The following DHRSX variants were observed in gnomAD, a reference collection of about 807,000 sequenced individuals.
DHRSX encodes polyprenol dehydrogenase.
A neutral mutation model predicts 34.0 loss-of-function variants in DHRSX; 31 were observed. The observed-to-expected ratio is 0.91, with a 90% CI of 0.69 to 1.23. The LOEUF (loss-of-function observed/expected upper bound fraction) is 1.23. DHRSX is among the 50% of genes most tolerant of loss of function. The pLI is 0.00. For missense variants in DHRSX, 414 were observed against 428.1 expected (o/e 0.97, Z 0.29); for synonymous variants, 201 against 183.8 (o/e 1.09, Z -0.76).
chrX:2,387,923 A>AAC (rs1296064878), intron 3 of DHRSX, among the ~76,000 whole-genome samples: 2 of 150,660 alleles, frequency 1.3e-5, no homozygotes, highest in Admixed American at 6.6e-5. Context: ...AAAAAAAAAA[A>AAC]ACGGGATTCC....
rs181739902 is a variant in DHRSX at position 2,410,734 on chromosome X, A to G, written c.218-1921T>C. 3.3e-3 allele frequency among the ~76,000 whole-genome samples: 501 copies of G among 152,322 alleles called. 2 individuals carry two copies. The highest frequency in any genetic ancestry group is 0.011 in the African/African-American group (478 of 41,570). ...TCAGCAAAGAGTGAAAAAATATATA[A>G]AAGAGGAGAAGCAGTGAAACTTATG... On this transcript the variant is annotated intron_variant, in intron 2 of 6. Coordinates refer to ENST00000334651, the MANE Select transcript of DHRSX (RefSeq NM_145177.3).
At chrX:2,311,010 G>A (rs1179155637) in intron 3 of DHRSX, among the ~76,000 whole-genome samples, 2 of 149,984 alleles carry the variant, frequency 1.3e-5, no homozygotes, top group African/African-American at 2.5e-5. Context: ...GTAGTGAGCC[G>A]AGATCACTCC....
intron 4 of DHRSX, among the ~76,000 whole-genome samples, chrX:2,289,246 T>C (rs1486554348): frequency 4.0e-5 from 6 of 151,870 alleles, no homozygotes; most frequent in Non-Finnish European, 8.8e-5. Context: ...GCCTCCTGAG[T>C]AGCTGGGACT....
intron 1 of DHRSX, chrX:2,489,433 G>A (rs752527410): frequency 2.5e-6 from 4 of 1,613,922 alleles, no homozygotes; most frequent in East Asian, 2.2e-5. Context: ...TGGTGTTCAG[G>A]AGCATGTGCA....
chrX:2,389,841 C>G (rs892643980), intron 3 of DHRSX, among the ~76,000 whole-genome samples: 4 of 152,126 alleles, frequency 2.6e-5, no homozygotes, highest in African/African-American at 9.7e-5. Flanking sequence ...AGTGCAGTGG[C>G]ATGAGCTCGG....
intron 6 of DHRSX, among the ~76,000 whole-genome samples, chrX:2,229,504 CTGGA>C (rs1569476945): frequency 6.6e-6 from 1 of 152,014 alleles, no homozygotes; most frequent in Non-Finnish European, 1.5e-5. Flanking sequence ...GGTTTCGGGG[CTGGA>C]TGTTTTCTGG....
intron 3 of DHRSX, among the ~76,000 whole-genome samples, chrX:2,308,779 G>C (rs1356793491): frequency 6.6e-6 from 1 of 151,188 alleles, no homozygotes; most frequent in Non-Finnish European, 1.5e-5. Context: ...AAAGAGGGAA[G>C]GGGAGGGGAG....
chrX:2,392,658 T>C (rs1185256194), intron 3 of DHRSX, among the ~76,000 whole-genome samples: 1 of 146,080 alleles, frequency 6.8e-6, no homozygotes, highest in Non-Finnish European at 1.5e-5. Flanking sequence ...GTATGATATA[T>C]ATAAAATAAT....
intron 3 of DHRSX, among the ~76,000 whole-genome samples, chrX:2,384,583 T>C (rs945313614): frequency 2.6e-5 from 4 of 152,148 alleles, no homozygotes; most frequent in African/African-American, 7.2e-5. Flanking sequence ...AGGACACTTT[T>C]TAAGAGTGTT....
chrX:2,385,962 T>G (rs1378565553), intron 3 of DHRSX, among the ~76,000 whole-genome samples: 1 of 152,044 alleles, frequency 6.6e-6, no homozygotes, highest in Non-Finnish European at 1.5e-5. Flanking sequence ...AGGTCTCTGT[T>G]GCAACTCTTC....
chrX:2,454,607 A>C (rs960968712), intron 1 of DHRSX, among the ~76,000 whole-genome samples: 10 of 152,046 alleles, frequency 6.6e-5, no homozygotes, highest in Non-Finnish European at 1.3e-4. Context: ...CAGGCACCCC[A>C]AAAATTCCCA....
intron 2 of DHRSX, among the ~76,000 whole-genome samples, chrX:2,415,256 G>C (rs1018110405): frequency 1.3e-5 from 2 of 148,818 alleles, no homozygotes; most frequent in African/African-American, 5.0e-5. Context: ...ACCACAACTA[G>C]ATCTCATCAT....
chrX:2,465,391 C>G (rs970002746), intron 1 of DHRSX, among the ~76,000 whole-genome samples: 4 of 152,146 alleles, frequency 2.6e-5, no homozygotes, highest in African/African-American at 9.7e-5. Flanking sequence ...CCCATCCCTC[C>G]TCAATCACGC....
chrX:2,425,189 G>C lies in DHRSX; in HGVS notation c.217+8C>G. 6.3e-7 allele frequency: 1 copy of C among 1,586,106 alleles called. No homozygotes were observed. Among genetic ancestry groups the C allele is most frequent in the Non-Finnish European group, 8.6e-7 (1 of 1,160,764 alleles). ...ACAAAAAACACAAGTAACTGTAAAA[G>C]TCATCACCTATGATAACATGCATGC... On this transcript the variant is annotated splice_region_variant and intron_variant, in intron 2 of 6. Coordinates refer to ENST00000334651, the MANE Select transcript of DHRSX (RefSeq NM_145177.3).
chrX:2,356,984 C>G (rs954923971), intron 3 of DHRSX, among the ~76,000 whole-genome samples: 1 of 152,166 alleles, frequency 6.6e-6, no homozygotes, highest in African/African-American at 2.4e-5. Flanking sequence ...GGGCTCACAT[C>G]TGTAATCCCA....
chrX:2,488,872 G>A (rs746520870), intron 1 of DHRSX: 23 of 1,612,702 alleles, frequency 1.4e-5, no homozygotes, highest in East Asian at 1.3e-4. Flanking sequence ...GCTCAGGGGC[G>A]ACGCGCGTGG....
intron 4 of DHRSX, among the ~76,000 whole-genome samples, chrX:2,267,976 G>A (rs1280540604): frequency 6.6e-6 from 1 of 152,074 alleles, no homozygotes; most frequent in Non-Finnish European, 1.5e-5. Context: ...AGCTGCTATG[G>A]CACCCCCTCT....
chrX:2,250,630 G>C (rs951843851), intron 5 of DHRSX, among the ~76,000 whole-genome samples: 3 of 152,078 alleles, frequency 2.0e-5, no homozygotes, highest in Non-Finnish European at 4.4e-5. Flanking sequence ...CCAGAGGTCA[G>C]TCGTCACCAT....
chrX:2,232,068 CTT>C (rs2015907093), intron 6 of DHRSX, among the ~76,000 whole-genome samples: 1 of 149,864 alleles, frequency 6.7e-6, no homozygotes, highest in African/African-American at 2.5e-5. Flanking sequence ...TGTCTTCCTC[CTT>C]TTATTTTTTC....
Sources: allele counts gnomAD v4.1 joint callset (sites outside exome capture counted in the v4.1 genomes callset), GRCh38; gene constraint gnomAD v4.1.1; transcripts MANE v1.5; gene names NCBI Gene and HGNC (gene_info 2026-07-23, HGNC 2026-07-21).